The following RESF1 variants were observed in gnomAD, a reference collection of about 807,000 sequenced individuals.
RESF1 encodes gonad expressed transcript.
In RESF1, 65 loss-of-function variants were observed where a neutral mutation model predicts 134.7. The observed-to-expected ratio is 0.48, with a 90% CI of 0.40 to 0.59. The LOEUF is 0.59. RESF1 is among the 20% of genes least tolerant of loss of function. The probability of loss-of-function intolerance (pLI) is 0.00; values close to 1 mark genes in which losing one functional copy is unlikely to be tolerated. For synonymous variants in RESF1, 762 were observed against 702.2 expected (o/e 1.09, Z -1.35); for missense variants, 2,274 against 2,002.7 (o/e 1.14, Z -2.59).
rs766848248 is a variant in RESF1, at chr12:31,980,520, C to CT, written c.-78-349dup. Among the ~76,000 whole-genome samples the CT allele has an allele frequency of 2.8e-4, 43 of 151,344 alleles. No homozygotes were observed. In the East Asian group the frequency reaches 4.1e-3, roughly 14 times the overall value. On this transcript the variant is annotated intron_variant, in intron 3 of 5. Coordinates refer to ENST00000312561, the MANE Select transcript of RESF1 (RefSeq NM_018169.4). The stretch of plus-strand genomic sequence containing the variant: ...TTTTTAACCATATGTTTGAACTTCC[C>CT]TTTTTTTTTAAATTCTCATTTTTAT...
intron 5 of RESF1, among the ~76,000 whole-genome samples, chr12:31,991,954 A>G (rs1352326259): frequency 6.6e-6 from 1 of 152,234 alleles, no homozygotes; most frequent in Non-Finnish European, 1.5e-5. Flanking sequence ...ATGTTTTAGA[A>G]TATCCAATAC....
chr12:31,973,370 C>G (rs1939557255), intron 3 of RESF1, among the ~76,000 whole-genome samples: 1 of 151,554 alleles, frequency 6.6e-6, no homozygotes, highest in South Asian at 2.1e-4. Flanking sequence ...GTGCAGTGTA[C>G]AGTCATAGCA....
chr12:31,988,587 A>G (rs1277604739), intron 5 of RESF1, among the ~76,000 whole-genome samples: 2 of 152,152 alleles, frequency 1.3e-5, no homozygotes, highest in East Asian at 1.9e-4. Context: ...TCCCTCTTCA[A>G]TACCCAGGGA....
At chr12:31,992,003 A>T (rs1002554614) in intron 5 of RESF1, among the ~76,000 whole-genome samples, 3 of 152,226 alleles carry the variant, frequency 2.0e-5, no homozygotes, top group African/African-American at 7.2e-5. Context: ...CTTTTCATGT[A>T]TTGTTTGGGA....
chr12:31,992,095 T>C (rs1940104028), intron 5 of RESF1, among the ~76,000 whole-genome samples: 1 of 152,294 alleles, frequency 6.6e-6, no homozygotes, highest in South Asian at 2.1e-4. Context: ...TATGCAATGA[T>C]ACATTTTATT....
chr12:31,969,349 T>C (rs1446753072), intron 2 of RESF1, among the ~76,000 whole-genome samples: 1 of 152,024 alleles, frequency 6.6e-6, no homozygotes, highest in African/African-American at 2.4e-5. Context: ...TACAAAACAT[T>C]AAAAAAATTA....
At chr12:31,986,059 CTT>C in intron 4 of RESF1, 102 bp downstream of exon 4, 1 of 658,904 alleles carries the variant, frequency 1.5e-6, no homozygotes, top group Non-Finnish European at 2.3e-6. Context: ...CTGGGAAAGA[CTT>C]TAATGTGTTA....
intron 2 of RESF1, among the ~76,000 whole-genome samples, chr12:31,964,912 G>A (rs1249869192): frequency 1.3e-5 from 2 of 152,092 alleles, no homozygotes; most frequent in Non-Finnish European, 2.9e-5. Flanking sequence ...ATTGATCAAT[G>A]CCTGTCCTGT....
At chr12:31,978,150 G>A (rs1250201817) in intron 3 of RESF1, among the ~76,000 whole-genome samples, 1 of 152,036 alleles carries the variant, frequency 6.6e-6, no homozygotes, top group Non-Finnish European at 1.5e-5. Context: ...TCAAATATTT[G>A]AACATGGCAT....
intron 1 of RESF1, chr12:31,960,019 C>T (rs1939222554): frequency 6.6e-6 from 1 of 152,006 alleles, no homozygotes; most frequent in Admixed American, 6.6e-5. Context: ...CCTCTTAAGC[C>T]GAAGCCTCCT....
intron 4 of RESF1, among the ~76,000 whole-genome samples, chr12:31,986,443 T>C (rs1268664416): frequency 6.6e-6 from 1 of 152,228 alleles, no homozygotes; most frequent in Non-Finnish European, 1.5e-5. Context: ...GGTCAACTAA[T>C]TGTCCTCTTT....
At position 31,985,961 on chromosome 12, in the gene RESF1, C is replaced by A; in HGVS notation, c.5002+4C>A. 6.9e-7 allele frequency: 1 copy of A among 1,458,340 alleles called. No individual in the cohort carries two copies. The highest frequency in any genetic ancestry group is 9.0e-7 in the Non-Finnish European group (1 of 1,107,376). The allele number at this position is 1,458,340 out of a possible 1,614,324, so 90.3% of individuals were successfully genotyped here. The stretch of plus-strand genomic sequence containing the variant: ...AAGGAGCAAGCCCCTCTGCAAGGTC[C>A]AGTATGATTTTCTTGGTGGTGTCTA... On this transcript the variant is annotated splice_donor_region_variant and intron_variant, in intron 4 of 5. Coordinates refer to ENST00000312561, the MANE Select transcript of RESF1 (RefSeq NM_018169.4).
chr12:31,963,799 A>T (rs1283449077), intron 2 of RESF1, among the ~76,000 whole-genome samples: 1 of 152,210 alleles, frequency 6.6e-6, no homozygotes, highest in East Asian at 1.9e-4. Context: ...ACTTCATATA[A>T]TTGAAGTCAT....
chr12:31,982,459 T>A lies in RESF1; in HGVS notation c.1504T>A (p.Ser502Thr), dbSNP rs1268002095. The change falls in exon 4 of 6, where the codon TCT becomes ACT. Residue 502 changes from serine to threonine, a missense_variant. By Grantham distance (58) the Ser-to-Thr change is moderately conservative (BLOSUM62 1). Transcript: ENST00000312561. ...TTGCAGAAGGTTTAACCAAGTTGAT[T>A]CTGTTTTACCAAATCCTGTCTATTC... ...VNCRRFNQVDSVLPNPVYSEK... is the reference protein window; with the variant it reads ...VNCRRFNQVDTVLPNPVYSEK... 1.3e-5 allele frequency: 21 copies of A among 1,613,752 alleles called. No individual in the cohort carries two copies. Among genetic ancestry groups the A allele is most frequent in the Non-Finnish European group, 1.7e-5 (20 of 1,180,036 alleles).
intron 3 of RESF1, among the ~76,000 whole-genome samples, chr12:31,980,579 C>G (rs1273076893): frequency 5.3e-5 from 8 of 151,972 alleles, no homozygotes; most frequent in Admixed American, 5.2e-4. Flanking sequence ...ATGCAGTTAG[C>G]ATGGATTACT....
chr12:31,982,684 A>G lies in RESF1; in HGVS notation c.1729A>G (p.Ile577Val), dbSNP rs763738150. Residue 577 changes from isoleucine to valine, a missense_variant, in exon 4 of 6, where the codon ATT (isoleucine) becomes GTT (valine). Ile to Val is a conservative substitution (Grantham distance 29). Coordinates refer to ENST00000312561, the MANE Select transcript of RESF1 (RefSeq NM_018169.4). ...GTCCACTGAGGAATATAAATCAAAA[A>G]TTCAAAATGAAAATATGCTACTTCT... Reference protein sequence around the residue: ...SMSTEEYKSKIQNENMLLLAL... With the variant: ...SMSTEEYKSKVQNENMLLLAL... The G allele has an allele frequency of 6.2e-7, 1 of 1,614,060 alleles. No individual in the cohort carries two copies. The highest frequency in any genetic ancestry group is 8.5e-7 in the Non-Finnish European group (1 of 1,179,950).
intron 2 of RESF1, among the ~76,000 whole-genome samples, chr12:31,963,030 G>A (rs1282197794): frequency 6.6e-6 from 1 of 151,870 alleles, no homozygotes; most frequent in African/African-American, 2.4e-5. Context: ...TCGCGCCACT[G>A]TACCCTAGCT....
At chr12:31,964,964 TG>T (rs1565837082) in intron 2 of RESF1, among the ~76,000 whole-genome samples, 4 of 152,136 alleles carry the variant, frequency 2.6e-5, no homozygotes, top group Admixed American at 6.5e-5. Flanking sequence ...TTTGTCGTTT[TG>T]TTTTTTTGTT....
At chr12:31,970,581 C>T (rs1166709664) in intron 3 of RESF1, among the ~76,000 whole-genome samples, 3 of 152,068 alleles carry the variant, frequency 2.0e-5, no homozygotes, top group Admixed American at 1.3e-4. Context: ...TTTAAGTAAA[C>T]AAGCTTCCAG....
Sources: gnomAD v4.1 joint callset for allele counts (sites outside exome capture counted in the v4.1 genomes callset) on GRCh38, gnomAD v4.1.1 for gene constraint, MANE v1.5 for transcripts, NCBI Gene and HGNC (gene_info 2026-07-23, HGNC 2026-07-21) for gene names.